Variants in CSGALNACT2 observed in about 807,000 individuals in gnomAD.
The protein encoded by CSGALNACT2 is chondroitin sulfate N-acetylgalactosaminyltransferase 2.
CSGALNACT2 carries 35 observed loss-of-function variants against 55.3 expected under a neutral mutation model. The ratio of observed to expected loss-of-function variants is 0.63; its 90% confidence interval spans 0.48 to 0.84. The LOEUF (loss-of-function observed/expected upper bound fraction) is 0.84. Ranked by LOEUF, CSGALNACT2 falls within the 40% of genes least tolerant of loss-of-function variation. CSGALNACT2 has a pLI of 0.00. For synonymous variants in CSGALNACT2, 196 were observed against 224.9 expected, an observed-to-expected ratio of 0.87 and a Z score of 1.15; for missense variants, 544 against 657.5, an observed-to-expected ratio of 0.83 and a Z score of 1.89.
intron 1 of CSGALNACT2, among the ~76,000 whole-genome samples, chr10:43,144,907 G>C (rs1049541073): frequency 6.6e-6 from 1 of 152,090 alleles, no homozygotes; most frequent in African/African-American, 2.4e-5. Flanking sequence ...CATATAGTAA[G>C]TACTTCTGTT....
chr10:43,179,619 G>A (rs1214588016), intron 7 of CSGALNACT2, among the ~76,000 whole-genome samples: 1 of 152,106 alleles, frequency 6.6e-6, no homozygotes, highest in Non-Finnish European at 1.5e-5. Context: ...ACTAATTGCT[G>A]TCTTGTTTTT....
At chr10:43,168,610 G>A (rs759883598) in intron 6 of CSGALNACT2, among the ~76,000 whole-genome samples, 6 of 151,474 alleles carry the variant, frequency 4.0e-5, no homozygotes, top group Non-Finnish European at 8.8e-5. Flanking sequence ...ACCATATGAT[G>A]TACTTAACAT....
intron 4 of CSGALNACT2, chr10:43,162,971 C>T: frequency 7.1e-6 from 7 of 985,306 alleles, no homozygotes; most frequent in Non-Finnish European, 8.4e-6. Context: ...CACTCTGACC[C>T]TTCTCTCATT....
intron 1 of CSGALNACT2, among the ~76,000 whole-genome samples, chr10:43,148,612 CATT>C (rs1392962429): frequency 1.3e-5 from 2 of 152,084 alleles, no homozygotes; most frequent in African/African-American, 2.4e-5. Context: ...CTTTTGTTAA[CATT>C]ATTCCTATTT....
intron 1 of CSGALNACT2, among the ~76,000 whole-genome samples, chr10:43,139,791 T>C (rs1481820293): frequency 2.6e-5 from 4 of 152,268 alleles, no homozygotes; most frequent in African/African-American, 9.6e-5. Context: ...CCATGCTATT[T>C]CATGGTATTG....
At chr10:43,168,673 G>GACACACACAC (rs55776451) in intron 6 of CSGALNACT2, among the ~76,000 whole-genome samples, 19 of 147,906 alleles carry the variant, frequency 1.3e-4, no homozygotes, top group African/African-American at 4.7e-4. Context: ...AGTACACACA[G>GACACACACAC]ACACACACAC....
rs528576286 is a variant in CSGALNACT2 at position 43,148,301 on chromosome 10, T to C, written c.-253-6596T>C. ...ATTGTCTTAATTACCTGGGGCTCTG[T>C]AGTAATTTTTGGAATTGGGAAGTGT... On this transcript the variant is annotated intron_variant, in intron 1 of 7. Transcript: ENST00000374466. Among the ~76,000 whole-genome samples, 23 of 152,332 alleles carry C rather than the reference T, an allele frequency of 1.5e-4. No homozygotes were observed. The East Asian group carries it at 4.0e-3, about 27-fold the overall frequency.
intron 3 of CSGALNACT2, among the ~76,000 whole-genome samples, chr10:43,159,918 A>G (rs1286282257): frequency 6.6e-6 from 1 of 152,208 alleles, no homozygotes; most frequent in East Asian, 1.9e-4. Flanking sequence ...TAAAAGGTTA[A>G]TTAAAACTGG....
At position 43,155,279 on chromosome 10, in the gene CSGALNACT2, C is replaced by G. The variant is rs567494904; in HGVS notation, c.130C>G (p.Leu44Val). ...CCCCCAGACTGATGGAAATGCATCT[C>G]TTCCTGGTGTTGTTGGGGAAAATTA... is the stretch of plus-strand genomic sequence containing the variant. ...CAPQTDGNAS[L>V]PGVVGENYGK... The change falls in exon 2 of 8, where the codon CTT becomes GTT. Residue 44 changes from leucine (L) to valine (V), a missense_variant. By Grantham distance (32) the Leu-to-Val change is conservative. Coordinates refer to ENST00000374466, the MANE Select transcript of CSGALNACT2 (RefSeq NM_018590.5). The G allele has an allele frequency of 6.2e-7, 1 of 1,614,152 alleles. No individual in the cohort carries two copies. The highest frequency in any genetic ancestry group is 1.7e-5 in the Admixed American group (1 of 60,018).
intron 4 of CSGALNACT2, chr10:43,163,014 T>C (rs1564515984): frequency 1.0e-6 from 1 of 985,222 alleles, no homozygotes. Context: ...GACCCTTATC[T>C]CACTGTTCCC....
chr10:43,140,168 C>T (rs760163479), intron 1 of CSGALNACT2, among the ~76,000 whole-genome samples: 8 of 151,658 alleles, frequency 5.3e-5, no homozygotes, highest in African/African-American at 9.7e-5. Flanking sequence ...GAGCCTGACT[C>T]GGTCTCAAAA....
At chr10:43,150,616 G>A (rs1838855895) in intron 1 of CSGALNACT2, among the ~76,000 whole-genome samples, 2 of 152,102 alleles carry the variant, frequency 1.3e-5, no homozygotes, top group Admixed American at 1.3e-4. Context: ...TATGTGATGT[G>A]CATTTTTCAT....
At chr10:43,163,379 A>G in intron 4 of CSGALNACT2, 1 of 632,270 alleles carries the variant, frequency 1.6e-6, no homozygotes, top group Non-Finnish European at 2.0e-6. Flanking sequence ...AGCAATATGA[A>G]GGAAAACAGC....
At chr10:43,177,311 A>G (rs1839499848) in intron 7 of CSGALNACT2, among the ~76,000 whole-genome samples, 1 of 152,158 alleles carries the variant, frequency 6.6e-6, no homozygotes, top group Admixed American at 6.5e-5. Context: ...CATAAAATTT[A>G]TTAATTTAAA....
intron 4 of CSGALNACT2, among the ~76,000 whole-genome samples, chr10:43,161,367 A>G (rs1234654135): frequency 6.6e-6 from 1 of 152,178 alleles, no homozygotes; most frequent in East Asian, 1.9e-4. Flanking sequence ...TGTAATGTAA[A>G]CTATTAGGTT....
intron 1 of CSGALNACT2, among the ~76,000 whole-genome samples, chr10:43,152,134 T>C (rs766828441): frequency 1.3e-5 from 2 of 152,192 alleles, no homozygotes; most frequent in Non-Finnish European, 2.9e-5. Flanking sequence ...ACATTATCCT[T>C]TTCTCTCCTC....
intron 4 of CSGALNACT2, chr10:43,162,791 C>T (rs897375480): frequency 2.2e-6 from 2 of 902,058 alleles, no homozygotes; most frequent in African/African-American, 3.6e-5. Context: ...TTCAGTGGGT[C>T]TGGCTGTAGT....
chr10:43,152,616 A>G (rs144115006), intron 1 of CSGALNACT2, among the ~76,000 whole-genome samples: 72 of 152,286 alleles, frequency 4.7e-4, no homozygotes, highest in African/African-American at 1.6e-3. Flanking sequence ...GTAGTGACCT[A>G]TTGTCTGAGT....
rs1358178231 is a variant in CSGALNACT2 at position 43,180,710 on chromosome 10, A to G, written c.1337-2540A>G. ...TGATATACTGCGTAAAAGGAACTGCAATAAATAGGCCTTTGATGATGTGGT... is the reference window on the plus strand; with the variant it reads ...TGATATACTGCGTAAAAGGAACTGCGATAAATAGGCCTTTGATGATGTGGT... On this transcript the variant is annotated intron_variant, in intron 7 of 7. Coordinates refer to ENST00000374466, the MANE Select transcript of CSGALNACT2 (RefSeq NM_018590.5). Among the ~76,000 whole-genome samples, 4 of 152,348 alleles carry G rather than the reference A, an allele frequency of 2.6e-5. No homozygotes were observed. The East Asian group carries it at 7.7e-4, about 29-fold the overall frequency.
Sources: gnomAD v4.1 joint callset for allele counts (sites outside exome capture counted in the v4.1 genomes callset) on GRCh38, gnomAD v4.1.1 for gene constraint, MANE v1.5 for transcripts, NCBI Gene and HGNC (gene_info 2026-07-23, HGNC 2026-07-21) for gene names.